TECTA: variants seen among roughly 807,000 people sequenced by gnomAD.
TECTA encodes the protein tectorin alpha.
TECTA carries 128 observed loss-of-function variants against 216.8 expected under a neutral mutation model. The ratio of observed to expected loss-of-function variants is 0.59; its 90% CI spans 0.51 to 0.68. The LOEUF is 0.68. Among genes scored for constraint, TECTA ranks in the 30% least tolerant of loss-of-function variants. The pLI, the probability that TECTA is intolerant of heterozygous loss-of-function variation, is 0.00. For missense variants in TECTA, 2,551 were observed against 2,786.2 expected (o/e 0.92, Z 1.90); for synonymous variants, 1,089 against 1,117.1 (o/e 0.97, Z 0.50).
intron 7 of TECTA, among the ~76,000 whole-genome samples, chr11:121,124,365 G>A (rs777967507): frequency 2.2e-4 from 33 of 152,074 alleles, no homozygotes; most frequent in Admixed American, 9.8e-4. Context: ...CTCAGTGTCT[G>A]CCCCCCAACC....
chr11:121,160,050 A>C, intron 14 of TECTA, 85 bp from the exon 15 acceptor site: 1 of 1,567,848 alleles, frequency 6.4e-7, no homozygotes, highest in African/African-American at 1.4e-5. Context: ...TGCGACACCC[A>C]AAATATTTTC....
At chr11:121,167,473 AAT>A (rs1271519224) in intron 18 of TECTA, among the ~76,000 whole-genome samples, 1 of 152,214 alleles carries the variant, frequency 6.6e-6, no homozygotes, top group African/African-American at 2.4e-5. Context: ...TGGCTTCAGA[AAT>A]ATAGTGAGGT....
At chr11:121,118,744 G>A in intron 7 of TECTA, 26 bp downstream of exon 7, 1 of 1,612,402 alleles carries the variant, frequency 6.2e-7, no homozygotes, top group Non-Finnish European at 8.5e-7. Flanking sequence ...TCCTTCACGG[G>A]GAAATGGAGA....
intron 11 of TECTA, among the ~76,000 whole-genome samples, chr11:121,143,600 C>T (rs953260910): frequency 6.6e-6 from 1 of 152,218 alleles, no homozygotes; most frequent in African/African-American, 2.4e-5. Context: ...AGGGAAAGGC[C>T]GTATGTGCTT....
At chr11:121,124,508 T>G (rs1332771234) in intron 7 of TECTA, among the ~76,000 whole-genome samples, 2 of 152,216 alleles carry the variant, frequency 1.3e-5, no homozygotes, top group East Asian at 1.9e-4. Flanking sequence ...TCTAAAAAAC[T>G]TATGTGATTC....
Position 121,160,187 on chromosome 11 carries a change from T to A in TECTA, c.4742T>A (p.Ile1581Asn). ...VPFITGLATK[I>N]YSSEGFLVID... ...TTTATAACTGGTTTGGCAACCAAAA[T>A]CTACAGCAGTGAGGGGTTTCTGGTG... Residue 1581 changes from isoleucine (I) to asparagine (N), a missense_variant, in exon 15 of 24, where the codon ATC becomes AAC. Ile to Asn is a moderately radical substitution (Grantham distance 149, BLOSUM62 -3). This residue lies in a region of TECTA where 2,375 missense variants were observed against 2,563.9 expected (regional missense o/e 0.93). Coordinates refer to ENST00000392793, the MANE Select transcript of TECTA (RefSeq NM_005422.4). 1 of 1,614,210 alleles carries A rather than the reference T, an allele frequency of 6.2e-7. No individual in the cohort carries two copies. The highest frequency in any genetic ancestry group is 8.5e-7 in the Non-Finnish European group (1 of 1,180,038).
Position 121,191,174 on chromosome 11 carries a change from G to T in TECTA, c.*368G>T, listed in dbSNP as rs1947336696. 6.3e-6 allele frequency: 2 copies of T among 315,118 alleles called. No homozygotes were observed. The highest frequency in any genetic ancestry group is 1.2e-5 in the Non-Finnish European group (2 of 163,542). The allele number at this position is 315,118 out of a possible 1,614,324, so 19.5% of individuals were successfully genotyped here. ...AAGCCAGTGCTATTTCTGGATCACA[G>T]TTTTTTACAGAGAGAGGGCCTGTTG... On this transcript the variant is annotated 3_prime_UTR_variant, in exon 24 of 24. Transcript: ENST00000392793.
intron 15 of TECTA, among the ~76,000 whole-genome samples, chr11:121,161,485 G>A (rs1946997003): frequency 7.0e-6 from 1 of 143,416 alleles, no homozygotes; most frequent in African/African-American, 2.6e-5. Flanking sequence ...TCCTCCTGAG[G>A]AATTATGATT....
At position 121,152,275 on chromosome 11, in the gene TECTA, G is replaced by A. The variant is rs115019525; in HGVS notation, c.4106-606G>A. Among the ~76,000 whole-genome samples the A allele has an allele frequency of 7.0e-3, 1,069 of 152,340 alleles. 9 individuals are homozygous for A. The highest frequency in any genetic ancestry group is 0.044 in the Middle Eastern group (13 of 294). ...TGTACTCATGCACACAAACACACAC[G>A]GTGTACATTTGCCTTCTCAGAGATC... On this transcript the variant is annotated intron_variant, in intron 12 of 23. Transcript: ENST00000392793.
In TECTA at chr11:121,189,154, T is replaced by C. The variant is rs769086385; in HGVS notation, c.6237T>C (p.Pro2079=). ...AAGAACAGATCATTTCAGTGGGACC[T>C]ATTAGGAGAAAAAGTATGTATGTTC... is the stretch of plus-strand genomic sequence containing the variant. The part of the protein sequence containing the change: ...EPKEQIISVG[P]IRRKRLDWCE... The change falls in exon 22 of 24, where the codon CCT becomes CCC. Residue 2079 remains proline, a synonymous_variant. Coordinates refer to ENST00000392793, the MANE Select transcript of TECTA (RefSeq NM_005422.4). 1.4e-5 allele frequency: 22 copies of C among 1,613,970 alleles called. No homozygotes were observed. Among genetic ancestry groups the C allele is most frequent in the Admixed American group, 5.0e-5 (3 of 60,008 alleles).
chr11:121,130,221 G>T lies in TECTA; in HGVS notation c.2941+10G>T. 1.3e-6 allele frequency: 2 copies of T among 1,599,592 alleles called. No homozygotes were observed. Among genetic ancestry groups the T allele is most frequent in the Non-Finnish European group, 1.7e-6 (2 of 1,179,816 alleles). On this transcript the variant is annotated intron_variant, in intron 10 of 23. Transcript: ENST00000392793. The stretch of plus-strand genomic sequence containing the variant: ...ACCTATGACTTCTGCCGTAAGTTGG[G>T]GTTGGATTCTGGGAGAGGCTTTCTA...
chr11:121,189,034 T>G, intron 21 of TECTA, 46 bp from the exon 22 acceptor site: 1 of 1,591,848 alleles, frequency 6.3e-7, no homozygotes, highest in Non-Finnish European at 8.6e-7. Context: ...GAATAAGTTA[T>G]CAGCTTAATT....
chr11:121,113,708 C>A lies in TECTA; in HGVS notation c.780C>A (p.Cys260Ter). The change falls in exon 6 of 24, where the codon TGC (cysteine) becomes TGA (stop). Residue 260 changes from cysteine (C) to a stop codon, truncating the protein, a stop_gained. Transcript: ENST00000392793. LOFTEE classifies it high-confidence loss of function. This position sits in a 1 kb window ranked among gnomAD's most constrained non-coding sequence, Gnocchi z 4.2. ...DGKEIDPANGCTSRGQFLRRG... is the reference protein window; with the variant it reads ...DGKEIDPANG ...AGGAAATTGACCCAGCCAATGGCTG[C>A]ACCTCAAGGGGTAAAGCTTTTCCTC... is the stretch of plus-strand genomic sequence containing the variant. 1 of 1,613,618 alleles carries A rather than the reference C, an allele frequency of 6.2e-7. No homozygotes were observed. The highest frequency in any genetic ancestry group is 8.5e-7 in the Non-Finnish European group (1 of 1,179,992).
chr11:121,104,681 G>A (rs3758893), intron 2 of TECTA, among the ~76,000 whole-genome samples: 10,777 of 151,914 alleles, frequency 0.071, 414 homozygotes, highest in Middle Eastern at 0.13. Context: ...GTCCTTGGCC[G>A]GTTGCTCCCC....
chr11:121,130,085 T>A lies in TECTA; in HGVS notation c.2815T>A (p.Cys939Ser). ...GAACGTCACTGCCTATTACCGCACCTGCCTTTTCCGCCTGTGCCAGAGTGG... is the reference window on the plus strand; with the variant it reads ...GAACGTCACTGCCTATTACCGCACCAGCCTTTTCCGCCTGTGCCAGAGTGG... ...VVNVTAYYRT[C>S]LFRLCQSGGN... The change falls in exon 10 of 24, where the codon TGC becomes AGC. Residue 939 changes from cysteine (C) to serine (S), a missense_variant. By Grantham distance (112) the Cys-to-Ser change is moderately radical. Around this residue, in one of 3 missense-constraint regions of TECTA, gnomAD observed 2,375 missense variants for 2,563.9 expected, o/e 0.93. Coordinates refer to ENST00000392793, the MANE Select transcript of TECTA (RefSeq NM_005422.4). The A allele has an allele frequency of 6.2e-7, 1 of 1,613,972 alleles. No individual in the cohort carries two copies.
chr11:121,172,016 T>G (rs1455786302), intron 20 of TECTA, among the ~76,000 whole-genome samples: 1 of 152,164 alleles, frequency 6.6e-6, no homozygotes, highest in Non-Finnish European at 1.5e-5. Flanking sequence ...CCGTTCAGTA[T>G]GATATTATCT....
At chr11:121,182,373 T>C (rs897515070) in intron 20 of TECTA, among the ~76,000 whole-genome samples, 2 of 151,116 alleles carry the variant, frequency 1.3e-5, no homozygotes, top group African/African-American at 4.9e-5. Flanking sequence ...GGTGGCACAT[T>C]GGTGAGTTCT....
In TECTA at chr11:121,165,328, G is replaced by A; in HGVS notation, c.5328G>A (p.Glu1776=). Reference sequence around the variant, plus strand: ...CGGACTGTCCCAACCGAACTTGCGAGCTGGGCAATGGCAGGGAGCTGTGTG... The same window carrying A: ...CGGACTGTCCCAACCGAACTTGCGAACTGGGCAATGGCAGGGAGCTGTGTG... ...VGADCPNRTC[E]LGNGRELCGC... Residue 1776 remains glutamate (E), a synonymous_variant, in exon 17 of 24, where the codon GAG becomes GAA. Coordinates refer to ENST00000392793, the MANE Select transcript of TECTA (RefSeq NM_005422.4). The A allele has an allele frequency of 6.2e-7, 1 of 1,608,724 alleles. No homozygotes were observed. The highest frequency in any genetic ancestry group is 8.5e-7 in the Non-Finnish European group (1 of 1,177,744).
At position 121,162,198 on chromosome 11, in the gene TECTA, C is replaced by T. The variant is rs1430089805; in HGVS notation, c.5100C>T (p.Phe1700=). 2 of 1,614,184 alleles carry T rather than the reference C, an allele frequency of 1.2e-6. No individual in the cohort carries two copies. Among genetic ancestry groups the T allele is most frequent in the Admixed American group, 1.7e-5 (1 of 60,026 alleles). The part of the protein sequence containing the change: ...YCLKLTDMKG[F]FQPCYGLLDP... Reference sequence around the variant, plus strand: ...TGAAGCTCACCGACATGAAGGGCTTCTTCCAGCCCTGCTATGGGCTTCTCG... The same window carrying T: ...TGAAGCTCACCGACATGAAGGGCTTTTTCCAGCCCTGCTATGGGCTTCTCG... The change falls in exon 16 of 24, where the codon TTC becomes TTT. Residue 1700 remains phenylalanine, a synonymous_variant. Coordinates refer to ENST00000392793, the MANE Select transcript of TECTA (RefSeq NM_005422.4).
Sources: gnomAD v4.1 joint callset for allele counts (sites outside exome capture counted in the v4.1 genomes callset) on GRCh38, gnomAD v4.1.1 for gene constraint, gnomAD v4.1.1 regional missense constraint, Gnocchi (gnomAD v3.1) non-coding constraint, MANE v1.5 for transcripts, NCBI Gene and HGNC (gene_info 2026-07-23, HGNC 2026-07-21) for gene names.